The following SI variants were observed in gnomAD, a reference collection of about 807,000 sequenced individuals.
SI encodes the protein sucrase-isomaltase, intestinal.
A neutral mutation model predicts 253.3 loss-of-function variants in SI; 235 were observed. That is an observed-to-expected ratio of 0.93 (90% CI 0.83 to 1.03). The LOEUF (loss-of-function observed/expected upper bound fraction) is 1.03. Among genes scored for constraint, SI ranks in the 50% least tolerant of loss-of-function variants. The pLI, the probability that SI is intolerant of heterozygous loss-of-function variation, is 0.00. For missense variants in SI, 2,442 were observed against 2,211.1 expected (o/e 1.10, Z -2.09); for synonymous variants, 819 against 712.0 (o/e 1.15, Z -2.39).
intron 47 of SI, among the ~76,000 whole-genome samples, chr3:164,981,107 T>G (rs1229900587): frequency 1.3e-5 from 2 of 152,050 alleles, no homozygotes; most frequent in Admixed American, 6.6e-5. Flanking sequence ...AATAAAAATA[T>G]GAGTGTAAGG....
intron 12 of SI, among the ~76,000 whole-genome samples, chr3:165,056,420 CAAAG>C (rs1713697279): frequency 1.3e-5 from 2 of 152,088 alleles, no homozygotes; most frequent in African/African-American, 4.8e-5. Flanking sequence ...TACCCATACA[CAAAG>C]AAAGTACCTT....
In SI at chr3:165,026,280, A is replaced by C. The variant is rs537792782; in HGVS notation, c.2893-2504T>G. On this transcript the variant is annotated intron_variant, in intron 25 of 47. Coordinates refer to ENST00000264382, the MANE Select transcript of SI (RefSeq NM_001041.4). ...AAAAGGCCTTGTCCAACAGGAAAAT[A>C]TCACAATCCTAAATATATATGCACC... 1.8e-4 allele frequency among the ~76,000 whole-genome samples: 27 copies of C among 151,456 alleles called. No homozygotes were observed. The South Asian group carries it at 5.2e-3, about 29-fold the overall frequency.
chr3:165,027,536 T>C (rs191370049), intron 25 of SI, among the ~76,000 whole-genome samples: 2 of 151,384 alleles, frequency 1.3e-5, no homozygotes, highest in East Asian at 3.9e-4. Context: ...CCTGGGAACA[T>C]AGATGCAAGA....
intron 22 of SI, among the ~76,000 whole-genome samples, chr3:165,035,320 T>C (rs1411844388): frequency 6.6e-6 from 1 of 151,954 alleles, no homozygotes; most frequent in Admixed American, 6.6e-5. Context: ...TTAATAGCTG[T>C]TAATGATACA....
At position 165,056,236 on chromosome 3, in the gene SI, T is replaced by C. The variant is rs543259188; in HGVS notation, c.1399-929A>G. On this transcript the variant is annotated intron_variant, in intron 12 of 47. Coordinates refer to ENST00000264382, the MANE Select transcript of SI (RefSeq NM_001041.4). Reference sequence around the variant, plus strand: ...TGTTAATTAAGGGTAGGAAATTGTGTGGGCTTTCTTTTTTTACAAAAGGAG... The same window carrying C: ...TGTTAATTAAGGGTAGGAAATTGTGCGGGCTTTCTTTTTTTACAAAAGGAG... 4.6e-5 allele frequency among the ~76,000 whole-genome samples: 7 copies of C among 152,254 alleles called. 1 individual carries two copies. Among genetic ancestry groups the C allele is most frequent in the African/African-American group, 1.4e-4 (6 of 41,572 alleles).
At chr3:164,994,129 A>G (rs977874021) in intron 41 of SI, 128 bp downstream of exon 41, 5 of 754,868 alleles carry the variant, frequency 6.6e-6, no homozygotes, top group African/African-American at 1.8e-5. Flanking sequence ...TTAATAAAAA[A>G]TGTGTGCTAA....
At chr3:164,981,921 T>C (rs757591646) in intron 47 of SI, among the ~76,000 whole-genome samples, 10 of 152,138 alleles carry the variant, frequency 6.6e-5, no homozygotes, top group Non-Finnish European at 1.3e-4. Flanking sequence ...TAGTCAATGT[T>C]TAAATGCAGA....
intron 22 of SI, among the ~76,000 whole-genome samples, chr3:165,036,168 A>G (rs1268548925): frequency 6.6e-6 from 1 of 151,894 alleles, no homozygotes; most frequent in Non-Finnish European, 1.5e-5. Context: ...AAGACTTACA[A>G]CAAACAAAAG....
In SI at chr3:165,036,461, C is replaced by G; in HGVS notation, c.2443G>C (p.Gly815Arg). The change falls in exon 22 of 48, where the codon GGA becomes CGA. Residue 815 changes from glycine (G) to arginine (R), a missense_variant. Coordinates refer to ENST00000264382, the MANE Select transcript of SI (RefSeq NM_001041.4). Reference protein sequence around the residue: ...TTTASRKNPLGLIVALGENNT... With the variant: ...TTTASRKNPLRLIVALGENNT... ...TTTTCACCTAATGCGACTATAAGTCCTAGAGGATTCTTACGGCTGTTAAGA... is the reference window on the plus strand; with the variant it reads ...TTTTCACCTAATGCGACTATAAGTCGTAGAGGATTCTTACGGCTGTTAAGA... 1 of 1,610,620 alleles carries G rather than the reference C, an allele frequency of 6.2e-7. No individual in the cohort carries two copies. The highest frequency in any genetic ancestry group is 8.5e-7 in the Non-Finnish European group (1 of 1,177,802).
chr3:165,004,770 A>G (rs1718423928), intron 37 of SI, among the ~76,000 whole-genome samples: 1 of 152,148 alleles, frequency 6.6e-6, no homozygotes, highest in South Asian at 2.1e-4. Context: ...ACTCATGAAT[A>G]TAGACGGGAG....
chr3:165,030,989 G>A, intron 24 of SI, 122 bp from the exon 25 acceptor site: 1 of 1,328,364 alleles, frequency 7.5e-7, no homozygotes, highest in Non-Finnish European at 1.0e-6. Flanking sequence ...ACAAAATGTG[G>A]CAACGAGGGC....
chr3:165,038,385 A>G lies in SI; in HGVS notation c.2302-361T>C, dbSNP rs373253778. Among the ~76,000 whole-genome samples the G allele has an allele frequency of 4.6e-3, 704 of 152,058 alleles. 6 individuals carry two copies. The highest frequency in any genetic ancestry group is 0.016 in the African/African-American group (673 of 41,520). ...AAAATAAAGGGTATACTTAGCCAATATAAGTGATATGCAAAATAATATCAT... is the reference window on the plus strand; with the variant it reads ...AAAATAAAGGGTATACTTAGCCAATGTAAGTGATATGCAAAATAATATCAT... On this transcript the variant is annotated intron_variant, in intron 20 of 47. Coordinates refer to ENST00000264382, the MANE Select transcript of SI (RefSeq NM_001041.4).
chr3:165,047,246 G>A (rs566183172), intron 15 of SI, among the ~76,000 whole-genome samples: 1 of 151,990 alleles, frequency 6.6e-6, no homozygotes, highest in Non-Finnish European at 1.5e-5. Context: ...GATAGTTAAT[G>A]AGTCTCATGA....
At chr3:165,005,842 G>A (rs1718480493) in intron 37 of SI, among the ~76,000 whole-genome samples, 1 of 152,020 alleles carries the variant, frequency 6.6e-6, no homozygotes, top group African/African-American at 2.4e-5. Flanking sequence ...AACCTCCTGG[G>A]CCCAAGTGAT....
At chr3:164,996,482 T>A in intron 40 of SI, 53 bp downstream of exon 40, 3 of 975,688 alleles carry the variant, frequency 3.1e-6, no homozygotes, top group Non-Finnish European at 5.0e-6. Flanking sequence ...TAAAGTATAA[T>A]GAAGCATAGC....
At chr3:165,034,705 T>C (rs1712438170) in intron 22 of SI, among the ~76,000 whole-genome samples, 1 of 152,032 alleles carries the variant, frequency 6.6e-6, no homozygotes, top group South Asian at 2.1e-4. Flanking sequence ...TGCGTGTATG[T>C]GTGTGCGTGC....
At chr3:165,059,109 A>C in intron 11 of SI, 27 bp from the exon 12 acceptor site, 3 of 1,586,720 alleles carry the variant, frequency 1.9e-6, no homozygotes, top group Non-Finnish European at 2.6e-6. Context: ...GAAACTGCAA[A>C]ATCTATTAAC....
chr3:165,006,760 A>T, intron 37 of SI, 56 bp downstream of exon 37: 1 of 1,486,944 alleles, frequency 6.7e-7, no homozygotes, highest in Non-Finnish European at 9.4e-7. Context: ...GATAACATTA[A>T]ATGTAAGAAC....
At chr3:165,000,239 A>G (rs1048376767) in intron 37 of SI, among the ~76,000 whole-genome samples, 12 of 151,314 alleles carry the variant, frequency 7.9e-5, no homozygotes, top group Non-Finnish European at 1.8e-4. Flanking sequence ...TCTCTATTAT[A>G]TATCTTACAC....
Sources: gnomAD v4.1 joint callset for allele counts (sites outside exome capture counted in the v4.1 genomes callset) on GRCh38, gnomAD v4.1.1 for gene constraint, MANE v1.5 for transcripts, NCBI Gene and HGNC (gene_info 2026-07-23, HGNC 2026-07-21) for gene names.